The following LAMA2 variants were observed in gnomAD, a reference collection of about 807,000 sequenced individuals.
LAMA2 encodes the protein laminin subunit alpha-2.
LAMA2 carries 269 observed loss-of-function variants against 364.8 expected under a neutral mutation model. The ratio of observed to expected loss-of-function variants is 0.74; its 90% CI spans 0.67 to 0.82. LAMA2 has a LOEUF of 0.82. LAMA2 is among the 40% of genes least tolerant of loss of function. LAMA2 has a pLI of 0.00. For synonymous variants in LAMA2, 1,379 were observed against 1,370.6 expected, an observed-to-expected ratio of 1.01 and a Z score of -0.14; for missense variants, 3,807 against 3,873.2, an observed-to-expected ratio of 0.98 and a Z score of 0.45.
intron 2 of LAMA2, among the ~76,000 whole-genome samples, chr6:129,052,137 T>TA (rs1419896818): frequency 2.7e-5 from 2 of 74,730 alleles, no homozygotes; most frequent in Non-Finnish European, 5.5e-5. Context: ...TTCTTCTCCT[T>TA]TTTTTTTTTT....
chr6:129,032,342 T>G (rs1786293541), intron 1 of LAMA2, among the ~76,000 whole-genome samples: 1 of 152,140 alleles, frequency 6.6e-6, no homozygotes, highest in Non-Finnish European at 1.5e-5. Flanking sequence ...GGGGCTGTAA[T>G]GAAGGACCTG....
At chr6:129,050,868 G>A (rs557287633) in intron 2 of LAMA2, among the ~76,000 whole-genome samples, 32 of 152,166 alleles carry the variant, frequency 2.1e-4, no homozygotes, top group Non-Finnish European at 4.1e-4. Flanking sequence ...CCTCTTTCCA[G>A]CCTCTATGAA....
At chr6:129,098,112 G>A in intron 3 of LAMA2, 61 bp from the exon 4 acceptor site, 1 of 1,527,986 alleles carries the variant, frequency 6.5e-7, no homozygotes, top group Non-Finnish European at 9.1e-7. Context: ...ACTTATATTT[G>A]ACATAAAATG....
At chr6:128,933,432 A>G (rs1296964649) in intron 1 of LAMA2, among the ~76,000 whole-genome samples, 1 of 152,244 alleles carries the variant, frequency 6.6e-6, no homozygotes, top group East Asian at 1.9e-4. Context: ...ATATATAGCT[A>G]GAAATGGGAT....
intron 55 of LAMA2, among the ~76,000 whole-genome samples, chr6:129,484,337 C>A (rs1280406064): frequency 1.3e-5 from 2 of 152,182 alleles, no homozygotes; most frequent in Non-Finnish European, 2.9e-5. Context: ...AAGTAAATTT[C>A]TAAAGTCACT....
chr6:129,182,594 G>A (rs1780995355), intron 10 of LAMA2, among the ~76,000 whole-genome samples: 1 of 151,384 alleles, frequency 6.6e-6, no homozygotes, highest in Non-Finnish European at 1.5e-5. Context: ...ACTTCAGGTG[G>A]AAAAAACAAT....
chr6:129,439,960 C>T (rs1240773354), intron 42 of LAMA2, among the ~76,000 whole-genome samples: 3 of 151,394 alleles, frequency 2.0e-5, no homozygotes, highest in African/African-American at 7.3e-5. Flanking sequence ...GATACAGAAC[C>T]TACTGACACA....
At chr6:129,432,555 G>T (rs956667118) in intron 41 of LAMA2, among the ~76,000 whole-genome samples, 1 of 152,098 alleles carries the variant, frequency 6.6e-6, no homozygotes, top group Non-Finnish European at 1.5e-5. Context: ...ATTCTATGGC[G>T]TTTTTTGCAA....
chr6:129,093,100 A>C (rs1177117648), intron 3 of LAMA2, among the ~76,000 whole-genome samples: 1 of 151,696 alleles, frequency 6.6e-6, no homozygotes, highest in East Asian at 1.9e-4. Context: ...CTCCTGCCTC[A>C]GCTTCCGGAG....
chr6:129,251,807 C>T (rs1434192298), intron 13 of LAMA2, among the ~76,000 whole-genome samples: 9 of 151,876 alleles, frequency 5.9e-5, no homozygotes, highest in African/African-American at 2.2e-4. Flanking sequence ...TGGTGGCAGG[C>T]GCCTGTAATC....
intron 1 of LAMA2, among the ~76,000 whole-genome samples, chr6:128,946,458 G>A (rs544510221): frequency 1.3e-5 from 2 of 152,184 alleles, no homozygotes; most frequent in Non-Finnish European, 2.9e-5. Flanking sequence ...ATCACAGAGA[G>A]AAATGTGCTT....
intron 1 of LAMA2, among the ~76,000 whole-genome samples, chr6:128,924,706 C>T (rs1737793782): frequency 1.3e-5 from 2 of 152,172 alleles, no homozygotes; most frequent in Non-Finnish European, 1.5e-5. Context: ...AGGTCCTGCT[C>T]ATGCAGAGGG....
At chr6:129,027,656 C>G (rs554331583) in intron 1 of LAMA2, among the ~76,000 whole-genome samples, 1 of 151,730 alleles carries the variant, frequency 6.6e-6, no homozygotes, top group Admixed American at 6.6e-5. Flanking sequence ...GTTTTTTTCT[C>G]TATCAGAAGG....
intron 41 of LAMA2, among the ~76,000 whole-genome samples, chr6:129,431,514 T>C (rs962634053): frequency 6.6e-6 from 1 of 152,058 alleles, no homozygotes; most frequent in African/African-American, 2.4e-5. Flanking sequence ...GTTTGTCTCA[T>C]AGCACTGTAG....
chr6:129,421,386 G>GT (rs1781066098), intron 40 of LAMA2, among the ~76,000 whole-genome samples: 1 of 150,356 alleles, frequency 6.7e-6, no homozygotes, highest in Admixed American at 6.6e-5. Flanking sequence ...AGAATTTATT[G>GT]TTTAAAAAAA....
At chr6:128,993,578 A>G (rs1359351337) in intron 1 of LAMA2, among the ~76,000 whole-genome samples, 1 of 152,194 alleles carries the variant, frequency 6.6e-6, no homozygotes, top group East Asian at 1.9e-4. Context: ...GAAAATTAAC[A>G]TAGTCCTAAT....
chr6:129,323,077 C>A (rs1775065810), intron 28 of LAMA2, among the ~76,000 whole-genome samples: 1 of 152,142 alleles, frequency 6.6e-6, no homozygotes, highest in East Asian at 1.9e-4. Flanking sequence ...AAAGACCTAT[C>A]TCTCATAATA....
At chr6:128,931,221 G>T (rs902163150) in intron 1 of LAMA2, among the ~76,000 whole-genome samples, 23 of 152,152 alleles carry the variant, frequency 1.5e-4, no homozygotes, top group African/African-American at 5.6e-4. Context: ...ACAGGTAAAA[G>T]TTCTGTGAAA....
intron 12 of LAMA2, among the ~76,000 whole-genome samples, chr6:129,235,682 C>G (rs1223408430): frequency 2.6e-5 from 4 of 152,044 alleles, no homozygotes; most frequent in Non-Finnish European, 5.9e-5. Flanking sequence ...TAAAGGGTAC[C>G]TATAGTTTAT....
Sources: allele counts gnomAD v4.1 joint callset (sites outside exome capture counted in the v4.1 genomes callset), GRCh38; gene constraint gnomAD v4.1.1; transcripts MANE v1.5; gene names NCBI Gene and HGNC (gene_info 2026-07-23, HGNC 2026-07-21).